Variants in SEC24C observed in about 807,000 individuals in gnomAD.
SEC24C encodes protein transport protein Sec24C.
A neutral mutation model predicts 117.0 loss-of-function variants in SEC24C; 22 were observed. The observed-to-expected ratio is 0.19, with a 90% CI of 0.13 to 0.27. The LOEUF (loss-of-function observed/expected upper bound fraction) is 0.27, where lower values mean the gene tolerates loss of function less well. Ranked by LOEUF, SEC24C falls within the 10% of genes least tolerant of loss-of-function variation. The probability of loss-of-function intolerance (pLI) is 1.00; values close to 1 mark genes in which losing one functional copy is unlikely to be tolerated. For missense variants in SEC24C, 1,155 were observed against 1,375.1 expected (o/e 0.84, Z 2.53); for synonymous variants, 506 against 529.4 (o/e 0.96, Z 0.61).
chr10:73,758,127 C>T (rs1344628806), intron 3 of SEC24C, among the ~76,000 whole-genome samples: 2 of 150,730 alleles, frequency 1.3e-5, no homozygotes, highest in South Asian at 4.2e-4. Flanking sequence ...CCCAGCTACT[C>T]GGGAGGCTAA....
In SEC24C at chr10:73,763,972, C is replaced by A. The variant is rs1217288382; in HGVS notation, c.1216C>A (p.Pro406Thr). Reference protein sequence around the residue: ...AAVIKPLARLPPEEASPYVVD... With the variant: ...AAVIKPLARLTPEEASPYVVD... The stretch of plus-strand genomic sequence containing the variant: ...AGTCATCAAACCGCTGGCAAGGCTG[C>A]CCCCAGAGGAGGTGAGTCAGGGAAG... The change falls in exon 8 of 23, where the codon CCC (proline) becomes ACC (threonine). Residue 406 changes from proline (P) to threonine (T), a missense_variant. Physicochemically the swap from Pro to Thr is conservative, Grantham distance 38. Coordinates refer to ENST00000345254, the MANE Select transcript of SEC24C (RefSeq NM_198597.3). 4 of 1,589,498 alleles carry A rather than the reference C, an allele frequency of 2.5e-6. No homozygotes were observed. The South Asian group carries it at 4.5e-5, about 18-fold the overall frequency.
chr10:73,766,669 A>G lies in SEC24C; in HGVS notation c.1800-91A>G, dbSNP rs909457718. ...TGTGGCCCAGGAGTTGTCAGATTCTAGAGGCTTGATGACTCTTCAGGGAAT... is the reference window on the plus strand; with the variant it reads ...TGTGGCCCAGGAGTTGTCAGATTCTGGAGGCTTGATGACTCTTCAGGGAAT... On this transcript the variant is annotated intron_variant, in intron 12 of 22. Coordinates refer to ENST00000345254, the MANE Select transcript of SEC24C (RefSeq NM_198597.3). 5 of 1,452,792 alleles carry G rather than the reference A, an allele frequency of 3.4e-6. No individual in the cohort carries two copies. In the Admixed American group the frequency reaches 5.2e-5, roughly 15 times the overall value. The allele number at this position is 1,452,792 out of a possible 1,614,324, so 90.0% of individuals were successfully genotyped here. A position where few individuals can be genotyped will look rare whatever the true frequency, so the allele number is the denominator to read the frequency against.
chr10:73,761,606 T>C (rs886935521), intron 6 of SEC24C, among the ~76,000 whole-genome samples: 1 of 152,196 alleles, frequency 6.6e-6, no homozygotes, highest in African/African-American at 2.4e-5. Context: ...CTCGTCCCTC[T>C]TCCTCCTTTG....
intron 6 of SEC24C, chr10:73,762,173 G>A (rs1277950207): frequency 1.6e-5 from 20 of 1,289,632 alleles, no homozygotes; most frequent in Admixed American, 2.3e-5. Context: ...TCCAGTAAGT[G>A]CAGGGGGTGG....
chr10:73,770,390 C>G lies in SEC24C; in HGVS notation c.2973C>G (p.Leu991=). 6.2e-7 allele frequency: 1 copy of G among 1,613,980 alleles called. No homozygotes were observed. Among genetic ancestry groups the G allele is most frequent in the Non-Finnish European group, 8.5e-7 (1 of 1,179,978 alleles). ...TGGAGAATGGGCTCAACCTCTTCCT[C>G]TGGGTGGGAGCAAGCGTCCAACAGG... The part of the protein sequence containing the change: ...YLLENGLNLF[L]WVGASVQQGV... The change falls in exon 21 of 23, where the codon CTC becomes CTG. Residue 991 remains leucine (L), a synonymous_variant. Transcript: ENST00000345254.
intron 11 of SEC24C, 54 bp downstream of exon 11, chr10:73,766,264 T>A: frequency 6.3e-7 from 1 of 1,589,350 alleles, no homozygotes; most frequent in African/African-American, 1.3e-5. Flanking sequence ...GGTGTCTGGG[T>A]TGACTGAAGA....
intron 11 of SEC24C, 29 bp downstream of exon 11, chr10:73,766,239 TGA>T: frequency 1.2e-6 from 2 of 1,602,300 alleles, no homozygotes; most frequent in Non-Finnish European, 1.7e-6. Context: ...AGGTGTTTCC[TGA>T]GGTTAATGAT....
chr10:73,768,114 T>C, intron 15 of SEC24C, 107 bp downstream of exon 15: 16 of 1,066,240 alleles, frequency 1.5e-5, no homozygotes, highest in Non-Finnish European at 2.1e-5. Context: ...CCAGGCACGG[T>C]GCCTCACACC....
rs752433866 is a variant in SEC24C at position 73,770,452 on chromosome 10, G to A, written c.3035G>A (p.Ser1012Asn). 1 of 1,614,042 alleles carries A rather than the reference G, an allele frequency of 6.2e-7. No homozygotes were observed. The highest frequency in any genetic ancestry group is 8.5e-7 in the Non-Finnish European group (1 of 1,180,028). ...VQSLFSVSSF[S>N]QITSGLSVLP... Reference sequence around the variant, plus strand: ...AGCCTTTTCAGCGTCTCCTCCTTCAGTCAGATCACCAGTGGTTTGGTGAGG... The same window carrying A: ...AGCCTTTTCAGCGTCTCCTCCTTCAATCAGATCACCAGTGGTTTGGTGAGG... Residue 1012 changes from serine (S) to asparagine (N), a missense_variant, in exon 21 of 23, where the codon AGT (serine) becomes AAT (asparagine). By Grantham distance (46) the Ser-to-Asn change is conservative (BLOSUM62 1). This residue lies in a region of SEC24C where 759 missense variants were observed against 992.3 expected (regional missense o/e 0.76). Coordinates refer to ENST00000345254, the MANE Select transcript of SEC24C (RefSeq NM_198597.3).
In SEC24C at chr10:73,760,096, C is replaced by A. The variant is rs926082480; in HGVS notation, c.560C>A (p.Ala187Asp). ...TATGGCTCCTATCCTCAGGGCCAGG[C>A]TCCTCCCCTTAGCCAGGCCCAAGGT... ...GLYGSYPQGQ[A>D]PPLSQAQGHP... Residue 187 changes from alanine (A) to aspartate (D), a missense_variant, in exon 5 of 23, where the codon GCT becomes GAT. By Grantham distance (126) the Ala-to-Asp change is moderately radical. This residue lies in a region of SEC24C where 396 missense variants were observed against 382.8 expected (regional missense o/e 1.03). Coordinates refer to ENST00000345254, the MANE Select transcript of SEC24C (RefSeq NM_198597.3). The A allele has an allele frequency of 5.6e-6, 9 of 1,614,030 alleles. No individual in the cohort carries two copies. The highest frequency in any genetic ancestry group is 7.6e-6 in the Non-Finnish European group (9 of 1,179,970).
At chr10:73,756,699 C>T (rs2082715107) in intron 3 of SEC24C, among the ~76,000 whole-genome samples, 1 of 151,742 alleles carries the variant, frequency 6.6e-6, no homozygotes, top group Admixed American at 6.6e-5. Flanking sequence ...CTCCTGGGTT[C>T]AAGTGATTCT....
chr10:73,745,212 G>A (rs1158803451), intron 1 of SEC24C, among the ~76,000 whole-genome samples: 2 of 151,908 alleles, frequency 1.3e-5, no homozygotes, highest in Non-Finnish European at 2.9e-5. Context: ...GTTGAAAGTA[G>A]ATGTGATGAG....
intron 3 of SEC24C, among the ~76,000 whole-genome samples, chr10:73,752,711 C>T (rs978219625): frequency 1.3e-4 from 20 of 152,020 alleles, no homozygotes; most frequent in Admixed American, 1.2e-3. Flanking sequence ...TTAATACCAG[C>T]ACTTGGGGAG....
In SEC24C at chr10:73,759,718, G is replaced by A. The variant is rs375628082; in HGVS notation, c.405G>A (p.Gln135=). ...ATGGCCCTCCCCCGACAAGTGCACAGGTGGCTACGCAGCTGTCTGGAATGC... is the reference window on the plus strand; with the variant it reads ...ATGGCCCTCCCCCGACAAGTGCACAAGTGGCTACGCAGCTGTCTGGAATGC... ...QPYGPPPTSA[Q]VATQLSGMQI... The change falls in exon 4 of 23, where the codon CAG becomes CAA. Residue 135 remains glutamine (Q), a synonymous_variant. Coordinates refer to ENST00000345254, the MANE Select transcript of SEC24C (RefSeq NM_198597.3). 6 of 1,610,590 alleles carry A rather than the reference G, an allele frequency of 3.7e-6. No individual in the cohort carries two copies. The African/African-American group carries it at 4.0e-5, about 11-fold the overall frequency.
In SEC24C at chr10:73,766,771, A is replaced by G. The variant is rs141508840; in HGVS notation, c.1811A>G (p.Gln604Arg). The change falls in exon 13 of 23, where the codon CAG becomes CGG. Residue 604 changes from glutamine (Q) to arginine (R), a missense_variant. Transcript: ENST00000345254. ...SRAVITSLLD[Q>R]IPEMFADTRE... is the part of the protein sequence containing the mutation. Reference sequence around the variant, plus strand: ...ACCTATCTCTTTAGCTTATTGGATCAGATTCCAGAAATGTTTGCAGACACA... The same window carrying G: ...ACCTATCTCTTTAGCTTATTGGATCGGATTCCAGAAATGTTTGCAGACACA... 1.9e-6 allele frequency: 3 copies of G among 1,613,998 alleles called. No individual in the cohort carries two copies. In the African/African-American group the frequency reaches 4.0e-5, roughly 22 times the overall value.
chr10:73,758,393 C>T (rs1430100323), intron 3 of SEC24C, among the ~76,000 whole-genome samples: 5 of 152,086 alleles, frequency 3.3e-5, no homozygotes, highest in East Asian at 1.9e-4. Flanking sequence ...CTGTGCAATT[C>T]GTCTGTTTAA....
intron 6 of SEC24C, chr10:73,762,049 T>G: frequency 4.1e-6 from 5 of 1,221,258 alleles, no homozygotes; most frequent in Non-Finnish European, 5.4e-6. Flanking sequence ...TGTTCTTTTG[T>G]CTCCCTCCTT....
intron 3 of SEC24C, among the ~76,000 whole-genome samples, chr10:73,757,645 G>T (rs2082730019): frequency 6.6e-6 from 1 of 151,772 alleles, no homozygotes; most frequent in South Asian, 2.1e-4. Flanking sequence ...TTTGATTAGA[G>T]TTGGGCCAGG....
At position 73,769,440 on chromosome 10, in the gene SEC24C, C is replaced by T. The variant is rs762481855; in HGVS notation, c.2518C>T (p.Arg840Ter). ...NCCTQLADLY[R>*]NCETDTLINY... ...CTGCACCCAGCTGGCTGATCTATAT[C>T]GAAACTGTGAGACTGACACGCTCAT... Residue 840 changes from arginine to a stop codon, truncating the protein, a stop_gained, in exon 18 of 23, where the codon CGA becomes TGA. Transcript: ENST00000345254. LOFTEE classifies it high-confidence loss of function. This position sits in a 1 kb window ranked among gnomAD's most constrained non-coding sequence, Gnocchi z 4.5. 1.2e-6 allele frequency: 2 copies of T among 1,614,130 alleles called. No homozygotes were observed. Among genetic ancestry groups the T allele is most frequent in the Non-Finnish European group, 8.5e-7 (1 of 1,180,018 alleles).
Sources: allele counts gnomAD v4.1 joint callset (sites outside exome capture counted in the v4.1 genomes callset), GRCh38; gene constraint gnomAD v4.1.1; regional missense constraint gnomAD v4.1.1; non-coding constraint Gnocchi (gnomAD v3.1); transcripts MANE v1.5; gene names NCBI Gene and HGNC (gene_info 2026-07-23, HGNC 2026-07-21).